LZTS2: variants seen among roughly 807,000 people sequenced by gnomAD.
LZTS2 encodes the protein leucine zipper tumor suppressor 2.
A neutral mutation model predicts 60.6 loss-of-function variants in LZTS2; 32 were observed. That is an observed-to-expected ratio of 0.53 (90% CI 0.40 to 0.71). The LOEUF is 0.71. Ranked by LOEUF, LZTS2 falls within the 30% of genes least tolerant of loss-of-function variation. The pLI is 0.00. For missense variants in LZTS2, 792 were observed against 901.9 expected (o/e 0.88, Z 1.56); for synonymous variants, 360 against 393.1 (o/e 0.92, Z 1.00).
upstream of LZTS2, among the ~76,000 whole-genome samples, chr10:100,997,410 G>A (rs1195524411): frequency 6.6e-6 from 1 of 152,168 alleles, no homozygotes; most frequent in Non-Finnish European, 1.5e-5. Flanking sequence ...CACGCCGACG[G>A]GCCCCACACA....
exon 1 of LZTS2, chr10:101,002,644 C>G: frequency 6.2e-7 from 1 of 1,605,766 alleles, no homozygotes; most frequent in East Asian, 2.2e-5. Flanking sequence ...TATCTCAGGC[C>G]GGCCCTGTCC....
chr10:101,002,382 A>T, exon 1 of LZTS2: 1 of 577,586 alleles, frequency 1.7e-6, no homozygotes, highest in African/African-American at 1.9e-5. Flanking sequence ...TTGAAGGGGG[A>T]GTCTTGGTGG....
At chr10:101,007,089 C>T (rs1852233366) in exon 4 of LZTS2, 1 of 1,610,256 alleles carries the variant, frequency 6.2e-7, no homozygotes. Flanking sequence ...GAGCTGGAGG[C>T]CCGGGAGCTC....
exon 2 of LZTS2, chr10:101,003,670 C>G (rs1852096994): frequency 6.2e-7 from 1 of 1,611,590 alleles, no homozygotes; most frequent in African/African-American, 1.3e-5. Context: ...TCCTCCTCCT[C>G]CTCTTCCTCC....
exon 2 of LZTS2, chr10:101,003,591 A>G (rs749700199): frequency 4.4e-6 from 7 of 1,585,888 alleles, no homozygotes; most frequent in South Asian, 3.5e-5. Flanking sequence ...GCCTAGCTTC[A>G]TGGGTCCTCG....
exon 1 of LZTS2, chr10:100,999,856 G>GGCCGGGGCCGGGGCCGGA (rs1554888584): frequency 4.0e-5 from 6 of 149,484 alleles, no homozygotes; most frequent in Admixed American, 2.7e-4. Context: ...CCAGGGCCGG[G>GGCCGGGGCCGGGGCCGGA]GCCGGGGCCG....
At chr10:101,007,628 G>T in exon 4 of LZTS2, 1 of 1,241,528 alleles carries the variant, frequency 8.1e-7, no homozygotes, top group Non-Finnish European at 1.0e-6. Context: ...CCAGGTTTGA[G>T]CTCTGCAGCC....
At chr10:101,002,674 C>T (rs150691048) in exon 1 of LZTS2, 324 of 1,609,240 alleles carry the variant, frequency 2.0e-4, no homozygotes, top group African/African-American at 1.5e-3. Context: ...AGCTCCTCCC[C>T]GCCACCACGG....
upstream of LZTS2, among the ~76,000 whole-genome samples, chr10:100,997,658 C>T (rs1002301556): frequency 5.9e-5 from 9 of 152,216 alleles, no homozygotes; most frequent in African/African-American, 1.9e-4. Context: ...CCTGGCCTCC[C>T]GCAGGTGAAG....
At position 101,002,727 on chromosome 10, in the gene LZTS2, A is replaced by G. The variant is rs768634609; in HGVS notation, c.189A>G (p.Leu63=). Residue 63 remains leucine, a synonymous_variant, in exon 1 of 4, where the codon CTA becomes CTG. Coordinates refer to ENST00000370220, the Ensembl canonical transcript of LZTS2. ...TCTTCCGCCAGCAGGATGGCCTGCT[A>G]CGGGGTGGCTATGAGGCACAGGAGC... is the stretch of plus-strand genomic sequence containing the variant. The G allele has an allele frequency of 2.5e-6, 4 of 1,612,616 alleles. No homozygotes were observed. The Admixed American group carries it at 5.0e-5, about 20-fold the overall frequency.
At position 101,006,949 on chromosome 10, in the gene LZTS2, G is replaced by T. The variant is rs557222054; in HGVS notation, c.1791G>T (p.Glu597Asp). Residue 597 changes from glutamate to aspartate, a missense_variant, in exon 4 of 4, where the codon GAG becomes GAT. Transcript: ENST00000370220. ...GTGAGGAGCAGCGGGACAGCTTTGA[G>T]GGGGAGCGGCTGGCCTGGCAGGCAG... 18 of 1,547,406 alleles carry T rather than the reference G, an allele frequency of 1.2e-5. No homozygotes were observed. Among genetic ancestry groups the T allele is most frequent in the Non-Finnish European group, 1.5e-5 (17 of 1,144,222 alleles).
upstream of LZTS2, chr10:100,996,938 G>A (rs1178257495): frequency 1.3e-5 from 2 of 152,430 alleles, no homozygotes; most frequent in African/African-American, 4.8e-5. Context: ...TCAGAGGCCA[G>A]AGGGGCAGCC....
intron 2 of LZTS2, 90 bp downstream of exon 3, chr10:101,004,256 G>C: frequency 7.0e-7 from 1 of 1,433,414 alleles, no homozygotes; most frequent in Non-Finnish European, 9.3e-7. Context: ...GGCAGGGAAC[G>C]GGGGTTGGGT....
intron 1 of LZTS2, 199 bp from the exon 3 acceptor site, chr10:101,003,308 G>A: frequency 1.8e-6 from 1 of 555,694 alleles, no homozygotes; most frequent in South Asian, 3.5e-5. Flanking sequence ...TATGGGGATA[G>A]TGATCATATT....
exon 1 of LZTS2, chr10:101,002,656 G>C (rs148075274): frequency 1.9e-6 from 3 of 1,606,134 alleles, no homozygotes; most frequent in Non-Finnish European, 2.6e-6. Context: ...GCCCTGTCCC[G>C]GGGGGCCAGC....
chr10:101,003,273 T>A, intron 1 of LZTS2: 1 of 528,548 alleles, frequency 1.9e-6, no homozygotes, highest in African/African-American at 1.9e-5. Flanking sequence ...TTAACCTTGC[T>A]GAGCCTCCAT....
exon 3 of LZTS2, chr10:101,005,512 G>A (rs1852153525): frequency 6.3e-7 from 1 of 1,594,050 alleles, no homozygotes; most frequent in African/African-American, 1.3e-5. Context: ...CCTGCGAGAG[G>A]ACTGTGCGGC....
exon 1 of LZTS2, chr10:101,002,742 G>A (rs1590034300): frequency 6.2e-7 from 1 of 1,613,110 alleles, no homozygotes; most frequent in Non-Finnish European, 8.5e-7. Flanking sequence ...GTGGCTATGA[G>A]GCACAGGAGC....
At position 101,004,027 on chromosome 10, in the gene LZTS2, G is replaced by A. The variant is rs768034383; in HGVS notation, c.929G>A (p.Arg310His). 3.6e-5 allele frequency: 58 copies of A among 1,613,092 alleles called. No individual in the cohort carries two copies. Among genetic ancestry groups the A allele is most frequent in the African/African-American group, 1.7e-4 (13 of 74,924 alleles). ...CCTGACAGCAGCTCCTGTGGGGAGCGCTCACCACCACCCCCGCCTCCACCT... is the reference window on the plus strand; with the variant it reads ...CCTGACAGCAGCTCCTGTGGGGAGCACTCACCACCACCCCCGCCTCCACCT... Residue 310 changes from arginine to histidine, a missense_variant, in exon 2 of 4, where the codon CGC (arginine) becomes CAC (histidine). Coordinates refer to ENST00000370220, the Ensembl canonical transcript of LZTS2.
Sources: allele counts gnomAD v4.1 joint callset (sites outside exome capture counted in the v4.1 genomes callset), GRCh38; gene constraint gnomAD v4.1.1; transcripts MANE v1.5; gene names NCBI Gene and HGNC (gene_info 2026-07-23, HGNC 2026-07-21).